EPC2: variants seen among roughly 807,000 people sequenced by gnomAD.
The protein encoded by EPC2 is enhancer of polycomb homolog 2.
In EPC2, 14 loss-of-function variants were observed where a neutral mutation model predicts 92.1. The observed-to-expected ratio is 0.15, with a 90% confidence interval of 0.10 to 0.24. The LOEUF (loss-of-function observed/expected upper bound fraction) is 0.24, where lower values mean the gene tolerates loss of function less well. Ranked by LOEUF, EPC2 falls within the 10% of genes least tolerant of loss-of-function variation. The probability of loss-of-function intolerance (pLI) is 1.00; values close to 1 mark genes in which losing one functional copy is unlikely to be tolerated. For synonymous variants in EPC2, 340 were observed against 334.7 expected (o/e 1.02, Z -0.17); for missense variants, 755 against 971.5 (o/e 0.78, Z 2.96).
intron 2 of EPC2, among the ~76,000 whole-genome samples, chr2:148,696,616 T>G (rs1681750744): frequency 6.6e-6 from 1 of 152,214 alleles, no homozygotes; most frequent in Admixed American, 6.5e-5. Flanking sequence ...GGGTGCATGA[T>G]TCTTGGTCTT....
At chr2:148,721,712 C>CTTTTTTTTTTTTTTTTTTTTCTT (rs34017461) in intron 2 of EPC2, among the ~76,000 whole-genome samples, 1 of 111,536 alleles carries the variant, frequency 9.0e-6, no homozygotes, top group East Asian at 2.5e-4. Context: ...CTGTTTTATT[C>CTTTTTTTTTTTTTTTTTTTTCTT]TTTTTTTTTT....
At chr2:148,660,037 AT>A (rs1282492811) in intron 1 of EPC2, among the ~76,000 whole-genome samples, 2 of 152,158 alleles carry the variant, frequency 1.3e-5, no homozygotes, top group Non-Finnish European at 2.9e-5. Flanking sequence ...TTGTAAAAAA[AT>A]TCAGAATATG....
chr2:148,645,773 C>T (rs1370186498), intron 1 of EPC2, among the ~76,000 whole-genome samples: 1 of 152,098 alleles, frequency 6.6e-6, no homozygotes, highest in Non-Finnish European at 1.5e-5. Flanking sequence ...GAGGGCCGCC[C>T]GCCGGCCAGT....
intron 1 of EPC2, among the ~76,000 whole-genome samples, chr2:148,669,666 A>G (rs566361416): frequency 6.6e-6 from 1 of 152,276 alleles, no homozygotes; most frequent in Non-Finnish European, 1.5e-5. Flanking sequence ...AAAGAGTTTG[A>G]GGGACTAGTG....
chr2:148,742,795 A>AG (rs1682902307), intron 2 of EPC2, among the ~76,000 whole-genome samples: 1 of 151,814 alleles, frequency 6.6e-6, no homozygotes, highest in Admixed American at 6.6e-5. Context: ...AAAAAAAAAA[A>AG]AAAAAGAAAA....
chr2:148,743,800 C>G, intron 3 of EPC2, 33 bp downstream of exon 3: 1 of 1,455,862 alleles, frequency 6.9e-7, no homozygotes, highest in Non-Finnish European at 9.1e-7. Context: ...CTCTTATCTT[C>G]TAGTTAACCC....
rs77543221 is a variant in EPC2, at chr2:148,767,592, C to A, written c.1141-1559C>A. Among the ~76,000 whole-genome samples, 196 of 152,226 alleles carry A rather than the reference C, an allele frequency of 1.3e-3. 4 individuals are homozygous for A. The East Asian group carries it at 0.028, about 22-fold the overall frequency. On this transcript the variant is annotated intron_variant, in intron 7 of 13. Transcript: ENST00000258484. ...ATCAGGATTTTATTGCTGACAAGAT[C>A]ATTAAAGTAATCATATTTTTCTTTG...
At chr2:148,728,529 C>G (rs1465874871) in intron 2 of EPC2, among the ~76,000 whole-genome samples, 1 of 151,868 alleles carries the variant, frequency 6.6e-6, no homozygotes, top group Admixed American at 6.6e-5. Flanking sequence ...GCCAGAAGTT[C>G]AAGACCAGAC....
chr2:148,779,447 A>G (rs1223793596), intron 10 of EPC2, among the ~76,000 whole-genome samples: 8 of 152,000 alleles, frequency 5.3e-5, no homozygotes, highest in Admixed American at 1.3e-4. Context: ...GCCAGGTGTG[A>G]TGCCATGCAC....
chr2:148,703,687 C>T (rs1681933491), intron 2 of EPC2, among the ~76,000 whole-genome samples: 1 of 152,034 alleles, frequency 6.6e-6, no homozygotes, highest in African/African-American at 2.4e-5. Flanking sequence ...CACCACTATG[C>T]CTGGCTAATT....
chr2:148,693,901 C>A (rs562630547), intron 2 of EPC2, among the ~76,000 whole-genome samples: 2 of 152,136 alleles, frequency 1.3e-5, no homozygotes, highest in Non-Finnish European at 2.9e-5. Context: ...GTGTCCAGTG[C>A]GTACTTTCGT....
intron 10 of EPC2, among the ~76,000 whole-genome samples, chr2:148,777,587 A>T (rs998348203): frequency 6.6e-6 from 1 of 152,212 alleles, no homozygotes; most frequent in Admixed American, 6.5e-5. Context: ...CACAAGCTTG[A>T]GAAGCAGGAC....
chr2:148,784,630 T>C, intron 12 of EPC2, 38 bp from the exon 13 acceptor site: 2 of 1,379,670 alleles, frequency 1.4e-6, no homozygotes, highest in Non-Finnish European at 2.0e-6. Flanking sequence ...TGTATTGATG[T>C]CTCATGATAC....
At chr2:148,728,085 A>C (rs1682533571) in intron 2 of EPC2, among the ~76,000 whole-genome samples, 1 of 152,048 alleles carries the variant, frequency 6.6e-6, no homozygotes, top group South Asian at 2.1e-4. Context: ...AACTTTCTGC[A>C]CTCAAGTGAT....
intron 1 of EPC2, among the ~76,000 whole-genome samples, chr2:148,655,661 C>T (rs967206027): frequency 6.6e-6 from 1 of 152,068 alleles, no homozygotes; most frequent in African/African-American, 2.4e-5. Context: ...TCATGGACCC[C>T]TTAGTTCTTT....
Position 148,781,764 on chromosome 2 carries a change from C to T in EPC2, c.1841C>T (p.Thr614Ile). The T allele has an allele frequency of 1.2e-6, 2 of 1,613,950 alleles. No individual in the cohort carries two copies. The highest frequency in any genetic ancestry group is 1.1e-5 in the South Asian group (1 of 91,070). Residue 614 changes from threonine (T) to isoleucine (I), a missense_variant, in exon 11 of 14, where the codon ACA becomes ATA. Around this residue, in one of 4 missense-constraint regions of EPC2, gnomAD observed 207 missense variants for 260.5 expected, o/e 0.79. Transcript: ENST00000258484. Reference sequence around the variant, plus strand: ...CAATCTCAGCATTCCTCGCAACAGACACATCCAAAAGCACAGGTAAACTGC... The same window carrying T: ...CAATCTCAGCATTCCTCGCAACAGATACATCCAAAAGCACAGGTAAACTGC... ...KQQSQHSSQQ[T>I]HPKAQGSSTS...
intron 4 of EPC2, among the ~76,000 whole-genome samples, chr2:148,755,183 C>T (rs1303949889): frequency 1.3e-5 from 2 of 152,064 alleles, no homozygotes; most frequent in Non-Finnish European, 2.9e-5. Context: ...ATGGATTTCC[C>T]AAGTGTAGAT....
intron 2 of EPC2, among the ~76,000 whole-genome samples, chr2:148,717,193 A>ATT (rs61215161): frequency 8.9e-5 from 9 of 100,894 alleles, no homozygotes; most frequent in African/African-American, 2.6e-4. Flanking sequence ...GGATTCATTG[A>ATT]TTTTTTTTTT....
intron 1 of EPC2, among the ~76,000 whole-genome samples, chr2:148,650,692 A>G (rs1051765254): frequency 1.3e-5 from 2 of 152,166 alleles, no homozygotes; most frequent in African/African-American, 2.4e-5. Flanking sequence ...ATCCTGATTG[A>G]TACCTTTTCA....
Sources: gnomAD v4.1 joint callset for allele counts (sites outside exome capture counted in the v4.1 genomes callset) on GRCh38, gnomAD v4.1.1 for gene constraint, gnomAD v4.1.1 regional missense constraint, MANE v1.5 for transcripts, NCBI Gene and HGNC (gene_info 2026-07-23, HGNC 2026-07-21) for gene names.